The following PROM1 variants were observed in gnomAD, a reference collection of about 807,000 sequenced individuals.
The protein encoded by PROM1 is prominin-1.
A neutral mutation model predicts 116.9 loss-of-function variants in PROM1; 105 were observed. The ratio of observed to expected loss-of-function variants is 0.90; its 90% confidence interval spans 0.77 to 1.06. The LOEUF is 1.06. Ranked by LOEUF, PROM1 falls within the 50% of genes least tolerant of loss-of-function variation. The pLI is 0.00. For synonymous variants in PROM1, 393 were observed against 387.0 expected, an observed-to-expected ratio of 1.02 and a Z score of -0.18; for missense variants, 1,122 against 1,045.2, an observed-to-expected ratio of 1.07 and a Z score of -1.01.
At chr4:15,974,118 T>TTCTCTCTCTCTCTC (rs35011290) in intron 26 of PROM1, among the ~76,000 whole-genome samples, 63 of 149,360 alleles carry the variant, frequency 4.2e-4, no homozygotes, top group African/African-American at 1.1e-3. Context: ...CTCTCTCTCT[T>TTCTCTCTCTCTCTC]TCTCTCTCTC....
chr4:16,082,908 G>A (rs564949087), intron 1 of PROM1, among the ~76,000 whole-genome samples: 3 of 151,952 alleles, frequency 2.0e-5, no homozygotes, highest in African/African-American at 7.3e-5. Context: ...TTTGTTGTCC[G>A]GTCGGCGTGT....
chr4:15,987,228 T>C (rs1340780397), intron 20 of PROM1, among the ~76,000 whole-genome samples: 6 of 152,180 alleles, frequency 3.9e-5, no homozygotes, highest in African/African-American at 7.2e-5. Context: ...TCCTCCACTA[T>C]GAGGACATGA....
chr4:15,984,265 AG>A lies in PROM1; in HGVS notation c.2370del (p.Leu791Ter). The part of the protein sequence containing the change: ...DVFLCSYIID[P>X]LNLFWFGIGK... ...TCTTTTGAAAGATGAAATCTTACCA[AG>A]GGGTCGATAATGTAGCTACACAGAA... On this transcript the variant is annotated frameshift_variant, in exon 23 of 28. Coordinates refer to ENST00000447510, the MANE Select transcript of PROM1 (RefSeq NM_006017.3). LOFTEE classifies it high-confidence loss of function. 6.3e-7 allele frequency: 1 copy of A among 1,592,614 alleles called. No homozygotes were observed. The highest frequency in any genetic ancestry group is 8.6e-7 in the Non-Finnish European group (1 of 1,163,532).
At chr4:16,006,816 T>C (rs1016365376) in intron 12 of PROM1, 126 bp from the exon 13 acceptor site, 54 of 915,126 alleles carry the variant, frequency 5.9e-5, no homozygotes, top group Non-Finnish European at 8.6e-5. Flanking sequence ...CTTCTATCAA[T>C]TCCTCAGAGG....
At chr4:15,970,269 G>A (rs1459432914) in intron 27 of PROM1, among the ~76,000 whole-genome samples, 6 of 150,668 alleles carry the variant, frequency 4.0e-5, no homozygotes, top group African/African-American at 1.5e-4. Flanking sequence ...AGGTTGAAGC[G>A]ATTCTCCTGC....
At chr4:15,974,107 A>T (rs1338577016) in intron 26 of PROM1, among the ~76,000 whole-genome samples, 6 of 96,230 alleles carry the variant, frequency 6.2e-5, no homozygotes, top group African/African-American at 1.6e-4. Context: ...AGACACACAC[A>T]CTCTCTCTCT....
intron 3 of PROM1, among the ~76,000 whole-genome samples, chr4:16,037,391 C>G (rs1199704608): frequency 6.6e-6 from 1 of 152,184 alleles, no homozygotes; most frequent in Non-Finnish European, 1.5e-5. Context: ...AGTTCATCTT[C>G]CACACAGTCT....
intron 2 of PROM1, among the ~76,000 whole-genome samples, chr4:16,060,409 G>C (rs1355302407): frequency 1.3e-5 from 2 of 151,916 alleles, no homozygotes; most frequent in East Asian, 3.9e-4. Context: ...TACCTCCCAG[G>C]CTCAAGCAAT....
chr4:16,015,744 A>C (rs2677790), intron 10 of PROM1, among the ~76,000 whole-genome samples: 1 of 151,922 alleles, frequency 6.6e-6, no homozygotes, highest in Non-Finnish European at 1.5e-5. Flanking sequence ...CTACTTGGAG[A>C]GGGGAAAAGA....
At chr4:16,072,920 T>C (rs1743128157) in intron 2 of PROM1, among the ~76,000 whole-genome samples, 1 of 152,136 alleles carries the variant, frequency 6.6e-6, no homozygotes, top group African/African-American at 2.4e-5. Context: ...GAACTGACAG[T>C]GCAAGAGGAC....
chr4:16,063,673 A>T (rs963593465), intron 2 of PROM1, among the ~76,000 whole-genome samples: 1 of 152,232 alleles, frequency 6.6e-6, no homozygotes, highest in Admixed American at 6.5e-5. Flanking sequence ...GTGTATCCTG[A>T]TTCAAACAAA....
intron 2 of PROM1, among the ~76,000 whole-genome samples, chr4:16,053,373 G>A (rs543859496): frequency 1.6e-4 from 25 of 152,242 alleles, no homozygotes; most frequent in African/African-American, 5.8e-4. Flanking sequence ...AATTTTCCTC[G>A]TTTATCAAGC....
At chr4:16,069,713 A>G (rs1169707354) in intron 2 of PROM1, among the ~76,000 whole-genome samples, 1 of 152,114 alleles carries the variant, frequency 6.6e-6, no homozygotes, top group Non-Finnish European at 1.5e-5. Context: ...TTCCAAAGTT[A>G]TTGGAAGTAT....
At chr4:16,073,922 G>T (rs902097013) in intron 2 of PROM1, among the ~76,000 whole-genome samples, 24 of 151,958 alleles carry the variant, frequency 1.6e-4, no homozygotes, top group African/African-American at 5.3e-4. Context: ...CAAATCTAAA[G>T]GGACCAAAAT....
intron 26 of PROM1, among the ~76,000 whole-genome samples, chr4:15,974,756 C>A (rs924900427): frequency 6.6e-6 from 1 of 152,200 alleles, no homozygotes; most frequent in African/African-American, 2.4e-5. Flanking sequence ...AAGGCGTGAG[C>A]CACCGCATCA....
At chr4:16,035,842 C>A (rs898892259) in intron 3 of PROM1, 81 bp from the exon 4 acceptor site, 1 of 1,277,152 alleles carries the variant, frequency 7.8e-7, no homozygotes, top group Admixed American at 1.7e-5. Flanking sequence ...TATGAGTGAT[C>A]AACCATAACC....
At chr4:15,985,651 C>G in intron 22 of PROM1, 109 bp downstream of exon 22, 1 of 888,526 alleles carries the variant, frequency 1.1e-6, no homozygotes, top group Non-Finnish European at 1.8e-6. Flanking sequence ...TCACTTACTT[C>G]CTACCAAATT....
intron 13 of PROM1, among the ~76,000 whole-genome samples, chr4:16,005,495 G>GGTGTGT (rs3221933): frequency 2.5e-4 from 36 of 145,904 alleles, no homozygotes; most frequent in African/African-American, 3.6e-4. Context: ...TTGTTTGTTT[G>GGTGTGT]GTGTGTGTGT....
intron 5 of PROM1, among the ~76,000 whole-genome samples, chr4:16,032,148 A>AAC (rs1732853239): frequency 8.6e-6 from 1 of 115,796 alleles, no homozygotes; most frequent in South Asian, 2.6e-4. Flanking sequence ...CTCCTTCCTG[A>AAC]TCTTTTTTTT....
Sources: allele counts gnomAD v4.1 joint callset (sites outside exome capture counted in the v4.1 genomes callset), GRCh38; gene constraint gnomAD v4.1.1; transcripts MANE v1.5; gene names NCBI Gene and HGNC (gene_info 2026-07-23, HGNC 2026-07-21).